Variants in ALDH16A1 observed in about 807,000 individuals in gnomAD.
ALDH16A1 encodes the protein aldehyde dehydrogenase 16 family member A1.
ALDH16A1 carries 88 observed loss-of-function variants against 96.1 expected under a neutral mutation model. The observed-to-expected ratio is 0.92, with a 90% confidence interval of 0.77 to 1.09. The LOEUF (loss-of-function observed/expected upper bound fraction) is 1.09. Among genes scored for constraint, ALDH16A1 ranks in the 50% least tolerant of loss-of-function variants. ALDH16A1 has a pLI of 0.00. For synonymous variants in ALDH16A1, 522 were observed against 496.4 expected, an observed-to-expected ratio of 1.05 and a Z score of -0.69; for missense variants, 1,250 against 1,112.6, an observed-to-expected ratio of 1.12 and a Z score of -1.76.
chr19:49,460,214 C>A (rs1021819618), intron 4 of ALDH16A1, among the ~76,000 whole-genome samples: 1 of 151,694 alleles, frequency 6.6e-6, no homozygotes, highest in Non-Finnish European at 1.5e-5. Context: ...TGCCCGGTCC[C>A]CTCATTCTTT....
chr19:49,459,886 G>A lies in ALDH16A1; in HGVS notation c.499+38G>A. The A allele has an allele frequency of 6.3e-7, 1 of 1,585,628 alleles. No homozygotes were observed. Among genetic ancestry groups the A allele is most frequent in the East Asian group, 2.3e-5 (1 of 43,754 alleles). ...AGTCCCTAGCCCTATCCTCCCACATGACTCAGCAGTGCTAGCTCCAGTCCC... is the reference window on the plus strand; with the variant it reads ...AGTCCCTAGCCCTATCCTCCCACATAACTCAGCAGTGCTAGCTCCAGTCCC... On this transcript the variant is annotated intron_variant, in intron 4 of 16. Coordinates refer to ENST00000293350, the MANE Select transcript of ALDH16A1 (RefSeq NM_153329.4). This position sits in a 1 kb window ranked among gnomAD's most constrained non-coding sequence, Gnocchi z 4.1.
At chr19:49,465,449 G>A (rs1568655333) in intron 12 of ALDH16A1, among the ~76,000 whole-genome samples, 2 of 150,538 alleles carry the variant, frequency 1.3e-5, no homozygotes, top group African/African-American at 4.9e-5. Flanking sequence ...GCTCATGGGA[G>A]CAGAAACTTG....
intron 8 of ALDH16A1, among the ~76,000 whole-genome samples, chr19:49,463,185 G>A (rs1601031872): frequency 1.4e-4 from 1 of 7,054 alleles, no homozygotes. Context: ...TCCTGGGTCT[G>A]AGGGAGGAGA....
In ALDH16A1 at chr19:49,466,278, C is replaced by T. The variant is rs762174392; in HGVS notation, c.1933C>T (p.Leu645=). The stretch of plus-strand genomic sequence containing the variant: ...CCGGGTGCAGGCCCAAGGCCACACC[C>T]TGCAGGTGAAGGGTCTGTGGGCACC... ...GARVQAQGHT[L]QVAGLRGPVL... is the part of the protein sequence containing the mutation. The change falls in exon 14 of 17, where the codon CTG becomes TTG. Residue 645 remains leucine, a synonymous_variant. Transcript: ENST00000293350. 2 of 1,451,174 alleles carry T rather than the reference C, an allele frequency of 1.4e-6. No homozygotes were observed. The highest frequency in any genetic ancestry group is 1.4e-5 in the African/African-American group (1 of 70,220). 89.9% of individuals were successfully genotyped at this position (1,451,174 alleles called of 1,614,324 possible). A position where few individuals can be genotyped will look rare whatever the true frequency, so the allele number is the denominator to read the frequency against.
rs2079217808 is a variant in ALDH16A1, at chr19:49,468,457, G to GTGCTGGGT, written c.2015_2016insTGCTGGGT (p.Trp672CysfsTer54). On this transcript the variant is annotated frameshift_variant, in exon 15 of 17. Coordinates refer to ENST00000293350, the MANE Select transcript of ALDH16A1 (RefSeq NM_153329.4). LOFTEE classifies it high-confidence loss of function. The surrounding 1 kb of genome is among the most constrained non-coding windows in gnomAD (Gnocchi z 4.4). ...CTGGCTGTGGTGTGTCCGGACGAGT[G>GTGCTGGGT]GCCCCTGCTTGCCTTCGTGTCCCTG... 2 of 1,601,988 alleles carry GTGCTGGGT rather than the reference G, an allele frequency of 1.2e-6. No individual in the cohort carries two copies. Among genetic ancestry groups the GTGCTGGGT allele is most frequent in the East Asian group, 2.2e-5 (1 of 44,854 alleles).
At position 49,461,983 on chromosome 19, in the gene ALDH16A1, G is replaced by C; in HGVS notation, c.859G>C (p.Val287Leu). The change falls in exon 7 of 17, where the codon GTA becomes CTA. Residue 287 changes from valine to leucine, a missense_variant. Val to Leu is a conservative substitution (Grantham distance 32, BLOSUM62 1). Transcript: ENST00000293350. ...SLLLLTDTADVDSAVEGVVDA... is the reference protein window; with the variant it reads ...SLLLLTDTADLDSAVEGVVDA... ...GCTGCTGCTGACGGACACGGCGGACGTAGACTCGGCCGTGGAGGGTGTCGT... is the reference window on the plus strand; with the variant it reads ...GCTGCTGCTGACGGACACGGCGGACCTAGACTCGGCCGTGGAGGGTGTCGT... 1 of 1,551,622 alleles carries C rather than the reference G, an allele frequency of 6.4e-7. No homozygotes were observed. The highest frequency in any genetic ancestry group is 8.7e-7 in the Non-Finnish European group (1 of 1,151,908).
rs1001830450 is a variant in ALDH16A1, at chr19:49,460,227, CTTTTGT to C, written c.499+396_499+401del. Among the ~76,000 whole-genome samples the C allele has an allele frequency of 5.3e-5, 8 of 151,648 alleles. No individual in the cohort carries two copies. In the South Asian group the frequency reaches 6.2e-4, roughly 12 times the overall value. The stretch of plus-strand genomic sequence containing the variant: ...CGTGCCCGGTCCCCTCATTCTTTTT[CTTTTGT>C]TTTTGTTTTTGTTTTTTTCTTTTTC... On this transcript the variant is annotated intron_variant, in intron 4 of 16. Coordinates refer to ENST00000293350, the MANE Select transcript of ALDH16A1 (RefSeq NM_153329.4).
chr19:49,459,814 C>T lies in ALDH16A1; in HGVS notation c.465C>T (p.Thr155=). The T allele has an allele frequency of 1.2e-6, 2 of 1,613,394 alleles. No homozygotes were observed. The highest frequency in any genetic ancestry group is 8.5e-7 in the Non-Finnish European group (1 of 1,179,818). ...LLHYHAIQAS[T]QEEALAGWEP... is the part of the protein sequence containing the mutation. ...ACTACCATGCAATCCAGGCATCCACCCAGGAGGAGGCACTGGCAGGCTGGG... is the reference window on the plus strand; with the variant it reads ...ACTACCATGCAATCCAGGCATCCACTCAGGAGGAGGCACTGGCAGGCTGGG... The change falls in exon 4 of 17, where the codon ACC becomes ACT. Residue 155 remains threonine (T), a synonymous_variant. Coordinates refer to ENST00000293350, the MANE Select transcript of ALDH16A1 (RefSeq NM_153329.4). The surrounding 1 kb of genome is among the most constrained non-coding windows in gnomAD (Gnocchi z 4.1).
chr19:49,455,318 G>A (rs7252986), intron 1 of ALDH16A1, among the ~76,000 whole-genome samples: 106,540 of 150,580 alleles, frequency 0.71, 38,204 homozygotes, highest in Middle Eastern at 0.83. Flanking sequence ...TGGGAGGCTG[G>A]GGCAGGAGAA....
rs2079153728 is a variant in ALDH16A1, at chr19:49,462,002, G to T, written c.878G>T (p.Gly293Val). ...DTADVDSAVEGVVDAAWSDRG... is the reference protein window; with the variant it reads ...DTADVDSAVEVVVDAAWSDRG... ...GCGGACGTAGACTCGGCCGTGGAGG[G>T]TGTCGTGGACGCCGCCTGGTCCGAC... Residue 293 changes from glycine to valine, a missense_variant, in exon 7 of 17, where the codon GGT becomes GTT. Transcript: ENST00000293350. 3 of 1,546,230 alleles carry T rather than the reference G, an allele frequency of 1.9e-6. No homozygotes were observed. Among genetic ancestry groups the T allele is most frequent in the Non-Finnish European group, 2.6e-6 (3 of 1,149,540 alleles).
intron 1 of ALDH16A1, among the ~76,000 whole-genome samples, chr19:49,457,513 A>C (rs1201248933): frequency 1.3e-5 from 2 of 149,372 alleles, no homozygotes; most frequent in Admixed American, 6.7e-5. Context: ...GCGCCACTGC[A>C]CTCCAGCCTG....
At chr19:49,466,815 G>A (rs1413876136) in intron 14 of ALDH16A1, among the ~76,000 whole-genome samples, 1 of 151,924 alleles carries the variant, frequency 6.6e-6, no homozygotes, top group Non-Finnish European at 1.5e-5. Context: ...AGCCGAGATC[G>A]TGCCACTGCA....
chr19:49,466,742 C>A (rs2079202656), intron 14 of ALDH16A1, among the ~76,000 whole-genome samples: 2 of 151,470 alleles, frequency 1.3e-5, no homozygotes, highest in Non-Finnish European at 2.9e-5. Flanking sequence ...CACCTATAGT[C>A]CCAGCTACTT....
chr19:49,460,694 G>A lies in ALDH16A1; in HGVS notation c.500-128G>A, dbSNP rs529386987. On this transcript the variant is annotated intron_variant, in intron 4 of 16. Coordinates refer to ENST00000293350, the MANE Select transcript of ALDH16A1 (RefSeq NM_153329.4). ...CTCCCAAAGTGCTGAGATTACAGGC[G>A]TGAGCCACCACACCCGGCCATTTTT... 2.8e-5 allele frequency: 22 copies of A among 790,270 alleles called. 1 individual carries two copies. The highest frequency in any genetic ancestry group is 9.1e-5 in the Admixed American group (4 of 44,114). 49.0% of individuals were successfully genotyped at this position (790,270 alleles called of 1,614,324 possible). A position where few individuals can be genotyped will look rare whatever the true frequency, so the allele number is the denominator to read the frequency against.
Position 49,468,894 on chromosome 19 carries a change from G to A in ALDH16A1, c.2155G>A (p.Ala719Thr), listed in dbSNP as rs139855332. The A allele has an allele frequency of 3.7e-6, 6 of 1,613,804 alleles. No individual in the cohort carries two copies. The highest frequency in any genetic ancestry group is 1.3e-5 in the African/African-American group (1 of 74,884). ...GGCCACCGTGTTCCCAGCAGGCCTG[G>A]CCAACGTGGTGACAGGAGACCGGGA... ...DMATVFPAGL[A>T]NVVTGDRDHL... The change falls in exon 16 of 17, where the codon GCC (alanine) becomes ACC (threonine). Residue 719 changes from alanine (A) to threonine (T), a missense_variant. Transcript: ENST00000293350. This position sits in a 1 kb window ranked among gnomAD's most constrained non-coding sequence, Gnocchi z 4.4.
Position 49,461,674 on chromosome 19 carries a change from C to T in ALDH16A1, c.633C>T (p.Ala211=). 2.5e-6 allele frequency: 4 copies of T among 1,607,836 alleles called. No individual in the cohort carries two copies. In the South Asian group the frequency reaches 3.3e-5, roughly 13 times the overall value. Residue 211 remains alanine, a synonymous_variant, in exon 6 of 17, where the codon GCC becomes GCT. Transcript: ENST00000293350. The part of the protein sequence containing the change: ...PPASPAPLLL[A]QLAGELGPFP... ...CCTCCCCGGCGCCCCTCCTCCTGGC[C>T]CAGCTGGCGGGGGAGCTGGGCCCCT...
rs1217256117 is a variant in ALDH16A1, at chr19:49,462,697, C to G, written c.1040C>G (p.Ala347Gly). The part of the protein sequence containing the change: ...DGAVDMGARG[A>G]AACDLVQRFV... The stretch of plus-strand genomic sequence containing the variant: ...GCCGTGGACATGGGGGCCCGGGGGG[C>G]TGCCGCATGTGACCTGGTCCAGCGC... The change falls in exon 8 of 17, where the codon GCT (alanine) becomes GGT (glycine). Residue 347 changes from alanine to glycine, a missense_variant. Transcript: ENST00000293350. 1 of 1,607,118 alleles carries G rather than the reference C, an allele frequency of 6.2e-7. No individual in the cohort carries two copies. The highest frequency in any genetic ancestry group is 1.3e-5 in the African/African-American group (1 of 74,676).
chr19:49,469,065 C>A, intron 16 of ALDH16A1, 79 bp downstream of exon 16: 1 of 1,531,276 alleles, frequency 6.5e-7, no homozygotes. Context: ...CACAGCCCCG[C>A]CCTCTTAGAA....
intron 1 of ALDH16A1, among the ~76,000 whole-genome samples, chr19:49,454,856 G>A (rs147181861): frequency 0.01 from 1,571 of 152,130 alleles, 23 homozygotes; most frequent in African/African-American, 0.029. Flanking sequence ...TGGTGGCTCA[G>A]ACTTGTAATC....
Sources: gnomAD v4.1 joint callset for allele counts (sites outside exome capture counted in the v4.1 genomes callset) on GRCh38, gnomAD v4.1.1 for gene constraint, Gnocchi (gnomAD v3.1) non-coding constraint, MANE v1.5 for transcripts, NCBI Gene and HGNC (gene_info 2026-07-23, HGNC 2026-07-21) for gene names.